SPOCK1: variants seen among roughly 807,000 people sequenced by gnomAD.
The protein encoded by SPOCK1 is testican-1.
A neutral mutation model predicts 55.3 loss-of-function variants in SPOCK1; 23 were observed. The observed-to-expected ratio is 0.42, with a 90% CI of 0.30 to 0.59. The LOEUF (loss-of-function observed/expected upper bound fraction) is 0.59, where lower values mean the gene tolerates loss of function less well. Ranked by LOEUF, SPOCK1 falls within the 20% of genes least tolerant of loss-of-function variation. The probability of loss-of-function intolerance (pLI) is 0.22; values close to 1 mark genes in which losing one functional copy is unlikely to be tolerated. For missense variants in SPOCK1, 499 were observed against 552.5 expected, an observed-to-expected ratio of 0.90 and a Z score of 0.97; for synonymous variants, 226 against 221.0, an observed-to-expected ratio of 1.02 and a Z score of -0.20.
chr5:137,158,149 G>A (rs1397624206), intron 3 of SPOCK1, among the ~76,000 whole-genome samples: 1 of 152,192 alleles, frequency 6.6e-6, no homozygotes, highest in Admixed American at 6.5e-5. Flanking sequence ...TAAAAAGACA[G>A]ATGTGCCAGC....
intron 2 of SPOCK1, among the ~76,000 whole-genome samples, chr5:137,378,009 A>G (rs1751364745): frequency 1.4e-5 from 2 of 144,768 alleles, no homozygotes; most frequent in South Asian, 4.3e-4. Flanking sequence ...TAATGGTGCA[A>G]TGTTGGCTCA....
intron 5 of SPOCK1, among the ~76,000 whole-genome samples, chr5:137,080,370 T>A (rs907831687): frequency 5.3e-5 from 8 of 152,374 alleles, no homozygotes; most frequent in Admixed American, 2.0e-4. Flanking sequence ...TCAGGTCACA[T>A]GTTTTCACAG....
At chr5:137,429,617 G>A (rs1323913420) in intron 2 of SPOCK1, among the ~76,000 whole-genome samples, 1 of 152,180 alleles carries the variant, frequency 6.6e-6, no homozygotes, top group Non-Finnish European at 1.5e-5. Flanking sequence ...CACATGAACT[G>A]AGAAGAATAA....
chr5:137,429,317 C>T (rs182547518), intron 2 of SPOCK1, among the ~76,000 whole-genome samples: 3 of 152,324 alleles, frequency 2.0e-5, no homozygotes, highest in East Asian at 3.9e-4. Context: ...CTGTTTAAGG[C>T]AGAACTTTCT....
At chr5:137,069,583 C>G (rs1752570929) in intron 5 of SPOCK1, among the ~76,000 whole-genome samples, 1 of 152,152 alleles carries the variant, frequency 6.6e-6, no homozygotes, top group South Asian at 2.1e-4. Flanking sequence ...AGCACGTGGA[C>G]TGAAGGTGAG....
At chr5:137,340,025 C>T (rs1172311006) in intron 2 of SPOCK1, among the ~76,000 whole-genome samples, 1 of 151,990 alleles carries the variant, frequency 6.6e-6, no homozygotes, top group African/African-American at 2.4e-5. Flanking sequence ...GTGATATTTA[C>T]AAGGGCCATG....
intron 2 of SPOCK1, among the ~76,000 whole-genome samples, chr5:137,419,342 T>A (rs963696774): frequency 6.6e-6 from 1 of 152,130 alleles, no homozygotes; most frequent in African/African-American, 2.4e-5. Context: ...GTGAAGAAAG[T>A]CATTGGTAGC....
At chr5:137,398,679 T>G (rs1310705982) in intron 2 of SPOCK1, among the ~76,000 whole-genome samples, 8 of 152,184 alleles carry the variant, frequency 5.3e-5, no homozygotes, top group Non-Finnish European at 4.4e-5. Flanking sequence ...TTCTCTAATT[T>G]GAAAATTTGG....
intron 4 of SPOCK1, among the ~76,000 whole-genome samples, chr5:137,130,703 T>C (rs139452700): frequency 1.6e-3 from 250 of 152,328 alleles, no homozygotes; most frequent in African/African-American, 5.8e-3. Flanking sequence ...AATGTCACTG[T>C]TCCGAAGCTA....
At chr5:137,057,330 A>G (rs1351013838) in intron 6 of SPOCK1, among the ~76,000 whole-genome samples, 1 of 152,156 alleles carries the variant, frequency 6.6e-6, no homozygotes, top group Non-Finnish European at 1.5e-5. Context: ...GTCTCTTCAG[A>G]ATAAGGAGAG....
chr5:137,136,112 T>A (rs1223084274), intron 4 of SPOCK1, among the ~76,000 whole-genome samples: 1 of 152,238 alleles, frequency 6.6e-6, no homozygotes, highest in Non-Finnish European at 1.5e-5. Context: ...TTTGTTGCTT[T>A]TCTTTTTGCA....
intron 6 of SPOCK1, among the ~76,000 whole-genome samples, chr5:137,050,254 G>T: frequency 3.6e-5 from 4 of 110,846 alleles, no homozygotes; most frequent in African/African-American, 1.3e-4. Context: ...TTGCTGCCTT[G>T]CAGTTTGATC....
At chr5:137,477,911 C>T (rs989509887) in intron 2 of SPOCK1, among the ~76,000 whole-genome samples, 1 of 152,210 alleles carries the variant, frequency 6.6e-6, no homozygotes, top group East Asian at 1.9e-4. Context: ...AACTTGCTGG[C>T]TGCTGAGCCA....
chr5:137,294,420 G>A (rs937705604), intron 2 of SPOCK1, among the ~76,000 whole-genome samples: 2 of 152,154 alleles, frequency 1.3e-5, no homozygotes, highest in East Asian at 1.9e-4. Flanking sequence ...TAAGTGATCT[G>A]CCCAAGGATG....
intron 3 of SPOCK1, among the ~76,000 whole-genome samples, chr5:137,218,350 C>A (rs796727405): frequency 6.6e-6 from 1 of 152,190 alleles, no homozygotes; most frequent in South Asian, 2.1e-4. Context: ...CCAAAGATGA[C>A]CACATCATCA....
chr5:137,112,842 GA>G (rs143974616), intron 4 of SPOCK1, among the ~76,000 whole-genome samples: 4 of 140,234 alleles, frequency 2.9e-5, no homozygotes, highest in Non-Finnish European at 6.1e-5. Flanking sequence ...ACAACACACA[GA>G]AAAAAAAAGA....
intron 3 of SPOCK1, among the ~76,000 whole-genome samples, chr5:137,258,540 A>G (rs1010230590): frequency 1.3e-5 from 2 of 152,222 alleles, no homozygotes; most frequent in African/African-American, 4.8e-5. Flanking sequence ...TTATTGATTG[A>G]TTTTAAAATT....
Position 137,077,738 on chromosome 5 carries a change from A to C in SPOCK1, c.475-9909T>G, listed in dbSNP as rs535119854. Among the ~76,000 whole-genome samples the C allele has an allele frequency of 4.6e-5, 7 of 152,322 alleles. No individual in the cohort carries two copies. The South Asian group carries it at 1.5e-3, about 32-fold the overall frequency. ...TCTCCCAAGCAGTCCAGAGCGGCCC[A>C]GCCAGGGCCTCAGAAGACAGTTCTG... On this transcript the variant is annotated intron_variant, in intron 5 of 10. Transcript: ENST00000394945.
intron 3 of SPOCK1, among the ~76,000 whole-genome samples, chr5:137,164,089 A>T (rs1226435588): frequency 6.6e-6 from 1 of 152,206 alleles, no homozygotes; most frequent in Admixed American, 6.5e-5. Flanking sequence ...ACCAGGCAAG[A>T]CTGATTGCTT....
Sources: gnomAD v4.1 joint callset for allele counts (sites outside exome capture counted in the v4.1 genomes callset) on GRCh38, gnomAD v4.1.1 for gene constraint, MANE v1.5 for transcripts, NCBI Gene and HGNC (gene_info 2026-07-23, HGNC 2026-07-21) for gene names.